Variants in AEBP2 observed in about 807,000 individuals in gnomAD.
AEBP2 encodes zinc finger protein AEBP2.
A neutral mutation model predicts 50.8 loss-of-function variants in AEBP2; 10 were observed. That is an observed-to-expected ratio of 0.20 (90% CI 0.12 to 0.33). The LOEUF (loss-of-function observed/expected upper bound fraction) is 0.33, where lower values mean the gene tolerates loss of function less well. Ranked by LOEUF, AEBP2 falls within the 10% of genes least tolerant of loss-of-function variation. The pLI is 1.00. For synonymous variants in AEBP2, 296 were observed against 261.3 expected, an observed-to-expected ratio of 1.13 and a Z score of -1.28; for missense variants, 570 against 688.0, an observed-to-expected ratio of 0.83 and a Z score of 1.92.
In AEBP2 at chr12:19,446,582, A is replaced by G. The variant is rs376039127; in HGVS notation, c.671+6212A>G. 1.1e-4 allele frequency among the ~76,000 whole-genome samples: 17 copies of G among 152,268 alleles called. No individual in the cohort carries two copies. In the East Asian group the frequency reaches 3.3e-3, roughly 30 times the overall value. On this transcript the variant is annotated intron_variant, in intron 1 of 7. Transcript: ENST00000266508. ...GTCTCTACTAAAAATACAGAAAAAA[A>G]TTAGCTGGGCGTGGTGGCGGGCACC...
Position 19,514,792 on chromosome 12 carries a change from A to C in AEBP2, c.1481+8A>C, listed in dbSNP as rs758464158. 22 of 1,584,934 alleles carry C rather than the reference A, an allele frequency of 1.4e-5. No individual in the cohort carries two copies. The East Asian group carries it at 4.0e-4, about 29-fold the overall frequency. ...GGACCCAAACATATACAGGTAATTT[A>C]ATTCTTGCCTTTATGTTTTACTTTT... On this transcript the variant is annotated splice_region_variant and intron_variant, in intron 7 of 7. Coordinates refer to ENST00000266508, the MANE Select transcript of AEBP2 (RefSeq NM_153207.5).
chr12:19,474,083 TTCAC>T (rs1592748658), intron 3 of AEBP2, among the ~76,000 whole-genome samples: 3 of 152,334 alleles, frequency 2.0e-5, no homozygotes, highest in South Asian at 4.1e-4. Flanking sequence ...TTTGATTCCT[TTCAC>T]TCAGTTTTGA....
chr12:19,436,599 G>C (rs1233211775), upstream of AEBP2, among the ~76,000 whole-genome samples: 10 of 85,932 alleles, frequency 1.2e-4, no homozygotes, highest in South Asian at 2.7e-3. Flanking sequence ...TTTTTTTTTG[G>C]GGGGGGGATA....
chr12:19,472,154 TTTTTCTAG>T (rs1258682728), intron 2 of AEBP2, among the ~76,000 whole-genome samples: 3 of 152,128 alleles, frequency 2.0e-5, no homozygotes, highest in Non-Finnish European at 4.4e-5. Context: ...AGACTGTCAG[TTTTTCTAG>T]TCTATTAAAA....
At position 19,439,822 on chromosome 12, in the gene AEBP2, AGAGGAGGAG is replaced by A. The variant is rs769850890; in HGVS notation, c.129_137del (p.Glu46_Glu48del). On this transcript the variant is annotated inframe_deletion, in exon 1 of 8. Coordinates refer to ENST00000266508, the MANE Select transcript of AEBP2 (RefSeq NM_153207.5). ...CTGAGCCCCCCGAGGAGGAGGAGGA[AGAGGAGGAG>A]GAGGAAGAGGAGGCGGAGGCCGAGG... 1 of 1,503,148 alleles carries A rather than the reference AGAGGAGGAG, an allele frequency of 6.7e-7. No individual in the cohort carries two copies. Among genetic ancestry groups the A allele is most frequent in the Non-Finnish European group, 8.8e-7 (1 of 1,133,506 alleles). 93.1% of individuals were successfully genotyped at this position (1,503,148 alleles called of 1,614,324 possible). A position where few individuals can be genotyped will look rare whatever the true frequency, so the allele number is the denominator to read the frequency against.
chr12:19,457,481 C>A, intron 1 of AEBP2: 1 of 1,506,292 alleles, frequency 6.6e-7, no homozygotes, highest in Non-Finnish European at 8.9e-7. Context: ...AGACCCAGGC[C>A]TACTTGAAGG....
At chr12:19,490,425 A>G (rs1285386670) in intron 3 of AEBP2, among the ~76,000 whole-genome samples, 1 of 152,172 alleles carries the variant, frequency 6.6e-6, no homozygotes, top group Non-Finnish European at 1.5e-5. Context: ...TCTGTTGCCC[A>G]GGCTGGAGTG....
At position 19,450,466 on chromosome 12, in the gene AEBP2, T is replaced by C. The variant is rs1948147367; in HGVS notation, c.671+10096T>C. Reference sequence around the variant, plus strand: ...GATGTTAAATATCTCTTTTGTGTTATGCACTATGAATGTACAAAACCAAAG... The same window carrying C: ...GATGTTAAATATCTCTTTTGTGTTACGCACTATGAATGTACAAAACCAAAG... On this transcript the variant is annotated intron_variant, in intron 1 of 7. Coordinates refer to ENST00000266508, the MANE Select transcript of AEBP2 (RefSeq NM_153207.5). Among the ~76,000 whole-genome samples the C allele has an allele frequency of 1.3e-5, 2 of 148,640 alleles. 1 individual carries two copies. Among genetic ancestry groups the C allele is most frequent in the South Asian group, 4.4e-4 (2 of 4,584 alleles).
chr12:19,489,990 C>CT (rs71067029), intron 3 of AEBP2, among the ~76,000 whole-genome samples: 7,105 of 47,646 alleles, frequency 0.15, 1,597 homozygotes, highest in East Asian at 0.2. Flanking sequence ...TTAAAATAAA[C>CT]TTTTTTTTTT....
At chr12:19,408,489 C>T (rs1397310192) in intron 1 of AEBP2, among the ~76,000 whole-genome samples, 1 of 147,810 alleles carries the variant, frequency 6.8e-6, no homozygotes, top group Non-Finnish European at 1.5e-5. Context: ...GTGGAAGTTG[C>T]GGTGAGCCGA....
chr12:19,444,319 G>GA (rs922421891), intron 1 of AEBP2, among the ~76,000 whole-genome samples: 29 of 152,194 alleles, frequency 1.9e-4, no homozygotes, highest in Non-Finnish European at 3.8e-4. Context: ...TTAATGCCGA[G>GA]AAAATAGAAG....
chr12:19,479,130 G>T (rs554958406), intron 3 of AEBP2, among the ~76,000 whole-genome samples: 5 of 152,290 alleles, frequency 3.3e-5, no homozygotes, highest in South Asian at 2.1e-4. Flanking sequence ...GATTGCCTGA[G>T]CCTGGGAGGC....
In AEBP2 at chr12:19,467,091, A is replaced by G. The variant is rs73337367; in HGVS notation, c.879+4374A>G. Among the ~76,000 whole-genome samples, 610 of 152,272 alleles carry G rather than the reference A, an allele frequency of 4.0e-3. 6 individuals carry two copies. Among genetic ancestry groups the G allele is most frequent in the African/African-American group, 0.014 (581 of 41,564 alleles). On this transcript the variant is annotated intron_variant, in intron 2 of 7. Transcript: ENST00000266508. Reference sequence around the variant, plus strand: ...ATTAAACTAATCTAAACACCAAATTATGAATACACTTTTTTTTCTTAAACA... The same window carrying G: ...ATTAAACTAATCTAAACACCAAATTGTGAATACACTTTTTTTTCTTAAACA...
intron 1 of AEBP2, chr12:19,456,711 A>C: frequency 6.3e-7 from 1 of 1,585,004 alleles, no homozygotes; most frequent in Non-Finnish European, 8.7e-7. Flanking sequence ...ATTGAAGCCC[A>C]CATTGTCCCC....
At chr12:19,456,379 G>A (rs756229801) in intron 1 of AEBP2, 12 of 1,369,158 alleles carry the variant, frequency 8.8e-6, no homozygotes, top group African/African-American at 1.4e-5. Context: ...CCCAGAGGTG[G>A]GTAGTCTGAG....
intron 6 of AEBP2, among the ~76,000 whole-genome samples, chr12:19,512,728 G>A (rs957503080): frequency 6.6e-6 from 1 of 151,502 alleles, no homozygotes; most frequent in African/African-American, 2.4e-5. Context: ...TTGGGAGGCT[G>A]GGGGAGGCCG....
chr12:19,474,832 G>A (rs1948623978), intron 3 of AEBP2, among the ~76,000 whole-genome samples: 3 of 150,624 alleles, frequency 2.0e-5, no homozygotes, highest in Non-Finnish European at 2.9e-5. Context: ...TTGCTCTGTT[G>A]CCCGGGCTGG....
intron 1 of AEBP2, among the ~76,000 whole-genome samples, chr12:19,406,059 C>G (rs539457316): frequency 6.6e-6 from 1 of 151,754 alleles, no homozygotes; most frequent in Non-Finnish European, 1.5e-5. Context: ...CTCTGCCTCC[C>G]GAGTCAAAGG....
intron 5 of AEBP2, among the ~76,000 whole-genome samples, chr12:19,507,530 C>T (rs1332946490): frequency 1.3e-5 from 2 of 152,192 alleles, no homozygotes; most frequent in East Asian, 3.8e-4. Flanking sequence ...GGCTTAAGAA[C>T]ATTGACACTT....
Sources: gnomAD v4.1 joint callset for allele counts (sites outside exome capture counted in the v4.1 genomes callset) on GRCh38, gnomAD v4.1.1 for gene constraint, MANE v1.5 for transcripts, NCBI Gene and HGNC (gene_info 2026-07-23, HGNC 2026-07-21) for gene names.